The following NUP210 variants were observed in gnomAD, a reference collection of about 807,000 sequenced individuals.
NUP210 encodes nuclear pore membrane glycoprotein 210.
Under a neutral mutation model 196.0 loss-of-function variants are expected in NUP210, and 151 were observed. The ratio of observed to expected loss-of-function variants is 0.77; its 90% CI spans 0.67 to 0.88. The LOEUF is 0.88. Ranked by LOEUF, NUP210 falls within the 40% of genes least tolerant of loss-of-function variation. The pLI is 0.00. For missense variants in NUP210, 2,314 were observed against 2,493.7 expected (o/e 0.93, Z 1.53); for synonymous variants, 1,070 against 1,052.7 (o/e 1.02, Z -0.32).
At chr3:13,351,771 T>A (rs1202973581) in intron 20 of NUP210, 108 bp downstream of exon 20, 5 of 751,336 alleles carry the variant, frequency 6.7e-6, no homozygotes, top group Non-Finnish European at 1.1e-5. Context: ...GTTCTGGGAT[T>A]CCGAGTGTGA....
chr3:13,339,246 A>C (rs1697359482), intron 25 of NUP210, among the ~76,000 whole-genome samples: 1 of 152,208 alleles, frequency 6.6e-6, no homozygotes, highest in Non-Finnish European at 1.5e-5. Context: ...CTGTGTTTAC[A>C]GGTTCTGAAC....
Position 13,351,869 on chromosome 3 carries a change from C to T in NUP210, c.2835+10G>A, listed in dbSNP as rs922805640. On this transcript the variant is annotated intron_variant, in intron 20 of 39. Transcript: ENST00000254508. ...AAAACCAACAGTGGGGACCGATGGCCCAAGCTTACCATGGCGACACCCCTG... is the reference window on the plus strand; with the variant it reads ...AAAACCAACAGTGGGGACCGATGGCTCAAGCTTACCATGGCGACACCCCTG... 1.3e-6 allele frequency: 2 copies of T among 1,593,744 alleles called. No homozygotes were observed. The highest frequency in any genetic ancestry group is 1.3e-5 in the African/African-American group (1 of 74,470).
chr3:13,358,574 C>T (rs1160301543), intron 15 of NUP210, among the ~76,000 whole-genome samples, 179 bp from the exon 16 acceptor site: 1 of 152,096 alleles, frequency 6.6e-6, no homozygotes, highest in Non-Finnish European at 1.5e-5. Context: ...GGTGGGAATG[C>T]ACTTTCTCAA....
At position 13,323,678 on chromosome 3, in the gene NUP210, C is replaced by T. The variant is rs1451704482; in HGVS notation, c.4645-246G>A. ...CTGCTTCCCCCAGCAGCTGACTGGACGCTGAGCAGCGGGCCTGAATTCATT... is the reference window on the plus strand; with the variant it reads ...CTGCTTCCCCCAGCAGCTGACTGGATGCTGAGCAGCGGGCCTGAATTCATT... On this transcript the variant is annotated intron_variant, in intron 33 of 39. Transcript: ENST00000254508. This position sits in a 1 kb window ranked among gnomAD's most constrained non-coding sequence, Gnocchi z 4.3. Among the ~76,000 whole-genome samples, 2 of 152,200 alleles carry T rather than the reference C, an allele frequency of 1.3e-5. No homozygotes were observed. The highest frequency in any genetic ancestry group is 3.9e-4 in the East Asian group (2 of 5,188).
At chr3:13,322,746 A>C (rs1190732279) in intron 34 of NUP210, among the ~76,000 whole-genome samples, 3 of 152,244 alleles carry the variant, frequency 2.0e-5, no homozygotes, top group Non-Finnish European at 2.9e-5. Context: ...AGTGCTGTCC[A>C]CTTGCGCTGA....
intron 1 of NUP210, among the ~76,000 whole-genome samples, chr3:13,411,383 C>A (rs1009607801): frequency 6.6e-6 from 1 of 152,260 alleles, no homozygotes; most frequent in East Asian, 1.9e-4. Context: ...AGCTCTGCCA[C>A]TAACCAGCTG....
intron 3 of NUP210, among the ~76,000 whole-genome samples, chr3:13,394,927 G>A (rs1001287326): frequency 2.6e-5 from 4 of 152,142 alleles, no homozygotes; most frequent in Admixed American, 6.5e-5. Flanking sequence ...AAAGTATTTC[G>A]GGGCGAGGAG....
At position 13,371,989 on chromosome 3, in the gene NUP210, T is replaced by C. The variant is rs1348056616; in HGVS notation, c.1631A>G (p.Gln544Arg). 6.3e-6 allele frequency: 10 copies of C among 1,598,644 alleles called. 1 individual carries two copies. The Admixed American group carries it at 1.7e-4, about 28-fold the overall frequency. ...EPHSMEFAPCQVEARVGQALE... is the reference protein window; with the variant it reads ...EPHSMEFAPCRVEARVGQALE... ...GGCCTGGCCCACACGTGCCTCCACC[T>C]GGCACGGGGCAAACTCCATGCTGTG... The change falls in exon 13 of 40, where the codon CAG (glutamine) becomes CGG (arginine). Residue 544 changes from glutamine to arginine, a missense_variant. Coordinates refer to ENST00000254508, the MANE Select transcript of NUP210 (RefSeq NM_024923.4).
intron 37 of NUP210, 49 bp from the exon 38 acceptor site, chr3:13,319,374 G>A (rs767186647): frequency 8.8e-6 from 13 of 1,470,092 alleles, no homozygotes; most frequent in African/African-American, 7.0e-5. Context: ...GCCCACTGTG[G>A]CATCCCATCA....
chr3:13,343,930 C>T (rs1697622664), intron 20 of NUP210, among the ~76,000 whole-genome samples: 1 of 152,256 alleles, frequency 6.6e-6, no homozygotes, highest in Non-Finnish European at 1.5e-5. Flanking sequence ...CTTTGTGTCT[C>T]ATCACATCCC....
At chr3:13,387,690 T>G (rs1000046014) in intron 5 of NUP210, among the ~76,000 whole-genome samples, 1 of 152,196 alleles carries the variant, frequency 6.6e-6, no homozygotes, top group Non-Finnish European at 1.5e-5. Context: ...AACGAGGCAC[T>G]GGTTGGGTGG....
chr3:13,382,732 G>A (rs891784541), intron 6 of NUP210, among the ~76,000 whole-genome samples: 38 of 152,200 alleles, frequency 2.5e-4, no homozygotes, highest in African/African-American at 8.9e-4. Context: ...ACAGGATGCC[G>A]GGCAAGACAG....
Position 13,340,351 on chromosome 3 carries a change from C to T in NUP210, c.3229-53G>A, listed in dbSNP as rs369713500. ...CTACTGTGCCCCAAGCCCATGGCGCCAAGCATAACTCACACACTACATGTT... is the reference window on the plus strand; with the variant it reads ...CTACTGTGCCCCAAGCCCATGGCGCTAAGCATAACTCACACACTACATGTT... On this transcript the variant is annotated intron_variant, in intron 23 of 39. Transcript: ENST00000254508. This position sits in a 1 kb window ranked among gnomAD's most constrained non-coding sequence, Gnocchi z 4.0. 13 of 1,491,504 alleles carry T rather than the reference C, an allele frequency of 8.7e-6. No homozygotes were observed. The East Asian group carries it at 1.1e-4, about 13-fold the overall frequency. 92.4% of individuals were successfully genotyped at this position (1,491,504 alleles called of 1,614,324 possible).
intron 10 of NUP210, 45 bp downstream of exon 10, chr3:13,376,246 T>C (rs201807770): frequency 1.2e-6 from 2 of 1,605,656 alleles, no homozygotes; most frequent in South Asian, 1.1e-5. Flanking sequence ...CTACAGAGGG[T>C]GGCTTCATAG....
At chr3:13,346,316 C>G (rs1282919251) in intron 20 of NUP210, among the ~76,000 whole-genome samples, 3 of 152,236 alleles carry the variant, frequency 2.0e-5, no homozygotes, top group African/African-American at 7.2e-5. Context: ...GCACCCACTC[C>G]TAACTACACT....
At chr3:13,381,819 G>A (rs1178051952) in intron 6 of NUP210, among the ~76,000 whole-genome samples, 1 of 152,026 alleles carries the variant, frequency 6.6e-6, no homozygotes, top group African/African-American at 2.4e-5. Flanking sequence ...GCTGACCCTG[G>A]CTGATCCCCC....
At chr3:13,353,851 T>C (rs1231637503) in intron 17 of NUP210, 64 bp downstream of exon 17, 5 of 1,500,804 alleles carry the variant, frequency 3.3e-6, no homozygotes, top group Non-Finnish European at 3.6e-6. Flanking sequence ...CTGGCCCACC[T>C]TGGCAGGCTT....
intron 1 of NUP210, among the ~76,000 whole-genome samples, chr3:13,419,827 G>A (rs1025446518): frequency 6.6e-6 from 1 of 152,018 alleles, no homozygotes; most frequent in South Asian, 2.1e-4. Flanking sequence ...ACGGCCGCCA[G>A]GCTGCGCCCG....
chr3:13,329,769 C>A (rs1387008862), intron 30 of NUP210, among the ~76,000 whole-genome samples: 1 of 152,200 alleles, frequency 6.6e-6, no homozygotes, highest in East Asian at 1.9e-4. Flanking sequence ...TTCCATTCAG[C>A]AAAACCCCAG....
Sources: gnomAD v4.1 joint callset for allele counts (sites outside exome capture counted in the v4.1 genomes callset) on GRCh38, gnomAD v4.1.1 for gene constraint, Gnocchi (gnomAD v3.1) non-coding constraint, MANE v1.5 for transcripts, NCBI Gene and HGNC (gene_info 2026-07-23, HGNC 2026-07-21) for gene names.